SCMH1: variants seen among roughly 807,000 people sequenced by gnomAD.
SCMH1 encodes Scm polycomb group protein homolog 1.
A neutral mutation model predicts 70.8 loss-of-function variants in SCMH1; 37 were observed. The observed-to-expected ratio is 0.52, with a 90% confidence interval of 0.40 to 0.69. SCMH1 has a LOEUF of 0.69. SCMH1 is among the 30% of genes least tolerant of loss of function. The pLI, the probability that SCMH1 is intolerant of heterozygous loss-of-function variation, is 0.00. For synonymous variants in SCMH1, 292 were observed against 307.4 expected (o/e 0.95, Z 0.52); for missense variants, 607 against 827.3 (o/e 0.73, Z 3.27).
chr1:41,046,528 G>C, exon 12 of SCMH1: 1 of 1,614,234 alleles, frequency 6.2e-7, no homozygotes, highest in South Asian at 1.1e-5. Flanking sequence ...GTTTCTCCAG[G>C]AAGCGGAGGA....
intron 8 of SCMH1, among the ~76,000 whole-genome samples, chr1:41,107,941 A>AC (rs1228882207): frequency 6.6e-6 from 1 of 152,254 alleles, no homozygotes; most frequent in African/African-American, 2.4e-5. Context: ...TTTCCAAATA[A>AC]AAAAAGGAAA....
At chr1:41,130,636 A>T (rs1674436308) in intron 6 of SCMH1, among the ~76,000 whole-genome samples, 1 of 152,204 alleles carries the variant, frequency 6.6e-6, no homozygotes, top group Admixed American at 6.5e-5. Context: ...TTAGCTTCAC[A>T]ATTCACACAC....
intron 10 of SCMH1, among the ~76,000 whole-genome samples, chr1:41,068,999 C>T (rs1318632704): frequency 6.6e-6 from 1 of 151,910 alleles, no homozygotes; most frequent in Non-Finnish European, 1.5e-5. Flanking sequence ...TGTACTTGGA[C>T]ATAAAGAGAG....
intron 8 of SCMH1, among the ~76,000 whole-genome samples, chr1:41,096,686 T>C (rs1479517231): frequency 6.6e-6 from 1 of 152,184 alleles, no homozygotes; most frequent in East Asian, 1.9e-4. Context: ...GAAACTCTGC[T>C]CCTGTAGAGG....
chr1:41,170,071 A>C (rs1036282577), intron 2 of SCMH1, among the ~76,000 whole-genome samples: 1 of 152,232 alleles, frequency 6.6e-6, no homozygotes, highest in African/African-American at 2.4e-5. Flanking sequence ...GGGGGCAAAC[A>C]GGGAGCTTCA....
At chr1:41,032,451 G>C (rs1446651694) in intron 13 of SCMH1, among the ~76,000 whole-genome samples, 1 of 152,224 alleles carries the variant, frequency 6.6e-6, no homozygotes, top group Non-Finnish European at 1.5e-5. Context: ...GAATGAGGGA[G>C]AAAGTGGTGT....
chr1:41,106,260 G>C (rs1667889841), intron 8 of SCMH1, among the ~76,000 whole-genome samples: 1 of 151,734 alleles, frequency 6.6e-6, no homozygotes, highest in African/African-American at 2.4e-5. Context: ...GTGGGGCCTG[G>C]TGGGAGGTGT....
At chr1:41,210,535 G>A (rs1210644066) in intron 1 of SCMH1, among the ~76,000 whole-genome samples, 1 of 152,020 alleles carries the variant, frequency 6.6e-6, no homozygotes, top group Non-Finnish European at 1.5e-5. Flanking sequence ...ACAGAACAGA[G>A]GCCTCAGAAA....
chr1:41,140,277 G>C (rs1643924131), intron 6 of SCMH1, among the ~76,000 whole-genome samples: 1 of 143,950 alleles, frequency 6.9e-6, no homozygotes, highest in Middle Eastern at 3.3e-3. Context: ...TTGAACCAAT[G>C]ATATTTTACC....
intron 1 of SCMH1, among the ~76,000 whole-genome samples, chr1:41,201,049 A>G (rs1307288174): frequency 1.3e-5 from 2 of 152,234 alleles, no homozygotes; most frequent in Non-Finnish European, 2.9e-5. Context: ...TTAGAATCCT[A>G]TATAGAAAAC....
intron 4 of SCMH1, among the ~76,000 whole-genome samples, chr1:41,156,169 CT>C (rs1645524549): frequency 6.6e-6 from 1 of 152,136 alleles, no homozygotes; most frequent in South Asian, 2.1e-4. Context: ...CTAGATATAT[CT>C]AATCTCTATG....
intron 10 of SCMH1, among the ~76,000 whole-genome samples, chr1:41,050,760 C>T (rs1647813943): frequency 6.6e-6 from 1 of 152,108 alleles, no homozygotes; most frequent in African/African-American, 2.4e-5. Context: ...GCTGTATACC[C>T]TAAAGCTGGA....
chr1:41,145,822 T>A (rs2148263259), intron 5 of SCMH1, among the ~76,000 whole-genome samples: 1 of 152,274 alleles, frequency 6.6e-6, no homozygotes, highest in Middle Eastern at 3.4e-3. Context: ...ATTACTCACA[T>A]TTGTGGTGAT....
chr1:41,149,806 G>C (rs573255975), intron 5 of SCMH1, among the ~76,000 whole-genome samples: 1 of 152,290 alleles, frequency 6.6e-6, no homozygotes, highest in East Asian at 1.9e-4. Flanking sequence ...GTGAGATCAG[G>C]AACTATTCTC....
rs780195099 is a variant in SCMH1 at position 41,028,206 on chromosome 1, C to G, written c.1935G>C (p.Gln645His). The G allele has an allele frequency of 4.5e-5, 73 of 1,614,048 alleles. No individual in the cohort carries two copies. Among genetic ancestry groups the G allele is most frequent in the Non-Finnish European group, 5.9e-5 (70 of 1,180,036 alleles). The change falls in exon 15 of 15, where the codon CAG becomes CAC. Residue 645 changes from glutamine (Q) to histidine (H), a missense_variant. By Grantham distance (24) the Gln-to-His change is conservative (BLOSUM62 0). Around this residue, in one of 3 missense-constraint regions of SCMH1, gnomAD observed 430 missense variants for 528.2 expected, o/e 0.81. Transcript: ENST00000337495. ...TGCCTCTCCTGGTTCAGAACTTGCC[C>G]TGCTTCAGCCGGTCAATGTGGTAGG...
At chr1:41,074,470 A>T (rs888915188) in intron 9 of SCMH1, among the ~76,000 whole-genome samples, 1 of 152,206 alleles carries the variant, frequency 6.6e-6, no homozygotes, top group South Asian at 2.1e-4. Flanking sequence ...TCTGACACTT[A>T]GTAGGTATTC....
intron 2 of SCMH1, among the ~76,000 whole-genome samples, chr1:41,182,313 A>C (rs1416361143): frequency 2.0e-5 from 3 of 152,258 alleles, no homozygotes; most frequent in Non-Finnish European, 4.4e-5. Context: ...ACTAACCTGC[A>C]CGTTGTGCAC....
At chr1:41,134,147 G>A (rs555952538) in intron 6 of SCMH1, among the ~76,000 whole-genome samples, 2 of 152,200 alleles carry the variant, frequency 1.3e-5, no homozygotes, top group East Asian at 1.9e-4. Flanking sequence ...ATCAATAAAC[G>A]TAATCCATCA....
intron 13 of SCMH1, among the ~76,000 whole-genome samples, chr1:41,031,423 C>G (rs1644504142): frequency 6.6e-6 from 1 of 152,148 alleles, no homozygotes; most frequent in African/African-American, 2.4e-5. Context: ...TGCCTTCATT[C>G]TGGGTCCCGG....
Sources: allele counts gnomAD v4.1 joint callset (sites outside exome capture counted in the v4.1 genomes callset), GRCh38; gene constraint gnomAD v4.1.1; regional missense constraint gnomAD v4.1.1; transcripts MANE v1.5; gene names NCBI Gene and HGNC (gene_info 2026-07-23, HGNC 2026-07-21).